The following TFPI variants were observed in gnomAD, a reference collection of about 807,000 sequenced individuals.
TFPI encodes anti-convertin.
Under a neutral mutation model 34.6 loss-of-function variants are expected in TFPI, and 15 were observed. The ratio of observed to expected loss-of-function variants is 0.43; its 90% CI spans 0.29 to 0.67. The LOEUF (loss-of-function observed/expected upper bound fraction) is 0.67, where lower values mean the gene tolerates loss of function less well. Ranked by LOEUF, TFPI falls within the 30% of genes least tolerant of loss-of-function variation. The probability of loss-of-function intolerance (pLI) is 0.15; values close to 1 mark genes in which losing one functional copy is unlikely to be tolerated. For missense variants in TFPI, 301 were observed against 364.0 expected, an observed-to-expected ratio of 0.83 and a Z score of 1.41; for synonymous variants, 105 against 120.1, an observed-to-expected ratio of 0.87 and a Z score of 0.82.
At chr2:187,472,470 C>T (rs1692101991) in intron 6 of TFPI, among the ~76,000 whole-genome samples, 1 of 152,086 alleles carries the variant, frequency 6.6e-6, no homozygotes, top group Non-Finnish European at 1.5e-5. Context: ...TGAAACTTTT[C>T]ACAAATTTAT....
rs8176577 is a variant in TFPI at position 187,470,903 on chromosome 2, A to G, written c.629-2971T>C. ...ATCAGATACTTGCTCCTACTTGTCC[A>G]TGACTGATGCAATGTCAGTTGTTTA... On this transcript the variant is annotated intron_variant, in intron 6 of 7. Transcript: ENST00000233156. Among the ~76,000 whole-genome samples the G allele has an allele frequency of 5.9e-3, 896 of 152,324 alleles. 4 individuals are homozygous for G. The highest frequency in any genetic ancestry group is 0.021 in the African/African-American group (865 of 41,570).
chr2:187,497,870 T>A (rs539500680), intron 2 of TFPI, among the ~76,000 whole-genome samples: 1 of 152,028 alleles, frequency 6.6e-6, no homozygotes, highest in South Asian at 2.1e-4. Flanking sequence ...GTCTATTTGT[T>A]TACCAGTAAA....
At chr2:187,534,276 A>C (rs576846617) in intron 1 of TFPI, among the ~76,000 whole-genome samples, 2 of 152,184 alleles carry the variant, frequency 1.3e-5, no homozygotes, top group Non-Finnish European at 2.9e-5. Flanking sequence ...ATCAGATTCA[A>C]CAAGGTTGAA....
At chr2:187,496,541 C>A (rs1685491090) in intron 3 of TFPI, among the ~76,000 whole-genome samples, 1 of 151,878 alleles carries the variant, frequency 6.6e-6, no homozygotes, top group Non-Finnish European at 1.5e-5. Flanking sequence ...ATAAATGGGG[C>A]CTCATATTTT....
chr2:187,538,970 C>T (rs1472244572), intron 1 of TFPI, among the ~76,000 whole-genome samples: 7 of 152,054 alleles, frequency 4.6e-5, no homozygotes, highest in Non-Finnish European at 8.8e-5. Context: ...AATATTTAAA[C>T]ATTTGAATAA....
At chr2:187,525,672 T>C (rs1242802408) in intron 1 of TFPI, among the ~76,000 whole-genome samples, 1 of 152,120 alleles carries the variant, frequency 6.6e-6, no homozygotes, top group African/African-American at 2.4e-5. Flanking sequence ...GTCATTGTTG[T>C]TGAGTCCTAA....
chr2:187,496,270 T>A (rs988665517), intron 3 of TFPI, among the ~76,000 whole-genome samples: 5 of 152,168 alleles, frequency 3.3e-5, no homozygotes, highest in African/African-American at 1.2e-4. Flanking sequence ...TACTATTTTA[T>A]GCAGCTTACA....
In TFPI at chr2:187,484,172, C is replaced by T. The variant is rs201958317; in HGVS notation, c.580G>A (p.Val194Met). ...VDNYGTQLNA[V>M]NNSLTPQSTK... ...GATTGCGGAGTCAGGGAGTTATTCA[C>T]AGCATTGAGCTGGGTTCCATAATTA... Residue 194 changes from valine to methionine, a missense_variant, in exon 6 of 8, where the codon GTG (valine) becomes ATG (methionine). Physicochemically the swap from Val to Met is conservative, Grantham distance 21 (BLOSUM62 1). Coordinates refer to ENST00000233156, the MANE Select transcript of TFPI (RefSeq NM_006287.6). The T allele has an allele frequency of 9.4e-5, 151 of 1,612,336 alleles. 1 individual carries two copies. The East Asian group carries it at 3.3e-3, about 36-fold the overall frequency.
intron 6 of TFPI, among the ~76,000 whole-genome samples, chr2:187,468,979 G>C (rs1438951302): frequency 1.3e-5 from 2 of 152,034 alleles, no homozygotes; most frequent in African/African-American, 4.8e-5. Flanking sequence ...GAATCCAGTA[G>C]TTAATGAAGG....
In TFPI at chr2:187,484,175, C is replaced by T. The variant is rs370705741; in HGVS notation, c.577G>A (p.Ala193Thr). ...TGCGGAGTCAGGGAGTTATTCACAG[C>T]ATTGAGCTGGGTTCCATAATTATCC... ...QVDNYGTQLN[A>T]VNNSLTPQST... is the part of the protein sequence containing the mutation. Residue 193 changes from alanine (A) to threonine (T), a missense_variant, in exon 6 of 8, where the codon GCT (alanine) becomes ACT (threonine). Coordinates refer to ENST00000233156, the MANE Select transcript of TFPI (RefSeq NM_006287.6). 1 of 1,612,324 alleles carries T rather than the reference C, an allele frequency of 6.2e-7. No homozygotes were observed. Among genetic ancestry groups the T allele is most frequent in the Non-Finnish European group, 8.5e-7 (1 of 1,178,828 alleles).
At chr2:187,518,769 G>C (rs1165394799) in intron 1 of TFPI, 1 of 152,140 alleles carries the variant, frequency 6.6e-6, no homozygotes. Context: ...GTCACTTTCA[G>C]GTACACCAAT....
intron 1 of TFPI, among the ~76,000 whole-genome samples, chr2:187,521,375 TGTGA>T (rs929694071): frequency 1.4e-4 from 22 of 152,224 alleles, no homozygotes; most frequent in African/African-American, 4.1e-4. Flanking sequence ...TCTTGGTTAT[TGTGA>T]GTAATACCTC....
At chr2:187,546,393 G>A (rs1688864649) in intron 1 of TFPI, among the ~76,000 whole-genome samples, 1 of 147,292 alleles carries the variant, frequency 6.8e-6, no homozygotes, top group Non-Finnish European at 1.5e-5. Flanking sequence ...TAAAAGCAAA[G>A]CTCTTTATGG....
chr2:187,533,707 A>G (rs1688096245), intron 1 of TFPI, among the ~76,000 whole-genome samples: 1 of 152,236 alleles, frequency 6.6e-6, no homozygotes, highest in Non-Finnish European at 1.5e-5. Flanking sequence ...AAACTTGATG[A>G]AGAATGAGTT....
intron 7 of TFPI, 104 bp downstream of exon 7, chr2:187,467,647 CTT>C (rs1365610774): frequency 9.7e-7 from 1 of 1,036,036 alleles, no homozygotes; most frequent in Non-Finnish European, 1.3e-6. Flanking sequence ...CTAGATTATA[CTT>C]TCTTATAATA....
At chr2:187,532,207 T>C (rs533900505) in intron 1 of TFPI, among the ~76,000 whole-genome samples, 5 of 152,362 alleles carry the variant, frequency 3.3e-5, no homozygotes, top group South Asian at 4.1e-4. Context: ...TGAGCATATG[T>C]GAATGATCAT....
chr2:187,493,470 T>C (rs999257400), intron 3 of TFPI, among the ~76,000 whole-genome samples: 2 of 152,170 alleles, frequency 1.3e-5, no homozygotes, highest in African/African-American at 4.8e-5. Context: ...ATTTTCCCCA[T>C]TTTCCTGGTG....
At chr2:187,505,259 G>A (rs1686129935) in intron 1 of TFPI, among the ~76,000 whole-genome samples, 1 of 152,096 alleles carries the variant, frequency 6.6e-6, no homozygotes. Context: ...GGGGCCTGCT[G>A]AAGCCCTTGA....
chr2:187,543,371 A>G (rs1688682462), intron 1 of TFPI, among the ~76,000 whole-genome samples: 1 of 152,248 alleles, frequency 6.6e-6, no homozygotes, highest in Admixed American at 6.5e-5. Flanking sequence ...ATAATTTGGG[A>G]ATAATCCACA....
Sources: gnomAD v4.1 joint callset for allele counts (sites outside exome capture counted in the v4.1 genomes callset) on GRCh38, gnomAD v4.1.1 for gene constraint, MANE v1.5 for transcripts, NCBI Gene and HGNC (gene_info 2026-07-23, HGNC 2026-07-21) for gene names.